The following ZDHHC11B variants were observed in gnomAD, a reference collection of about 807,000 sequenced individuals.
ZDHHC11B encodes zDHHC palmitoyltransferase 11B (putative).
Under a neutral mutation model 42.3 loss-of-function variants are expected in ZDHHC11B, and 17 were observed. The observed-to-expected ratio is 0.40, with a 90% CI of 0.27 to 0.60. The LOEUF is 0.60. Among genes scored for constraint, ZDHHC11B ranks in the 20% least tolerant of loss-of-function variants. The pLI is 0.41. For synonymous variants in ZDHHC11B, 123 were observed against 193.5 expected (o/e 0.64, Z 3.02); for missense variants, 262 against 463.2 (o/e 0.57, Z 3.99).
chr5:776,247 G>A (rs1209575442), intron 1 of ZDHHC11B, among the ~76,000 whole-genome samples: 5 of 151,816 alleles, frequency 3.3e-5, no homozygotes, highest in Non-Finnish European at 5.9e-5. Flanking sequence ...AGGTGGCAAA[G>A]CTCCTGAGGG....
intron 12 of ZDHHC11B, among the ~76,000 whole-genome samples, chr5:725,752 C>T (rs1309272734): frequency 6.6e-6 from 1 of 151,314 alleles, no homozygotes; most frequent in African/African-American, 2.4e-5. Context: ...GCCATTAAGG[C>T]TCCAAAGTTC....
chr5:730,604 A>G, intron 11 of ZDHHC11B, 136 bp from the exon 12 acceptor site: 1 of 995,234 alleles, frequency 1.0e-6, no homozygotes, highest in South Asian at 2.1e-5. Flanking sequence ...GGATCATGGA[A>G]TAGGATCTCA....
At chr5:763,750 T>C (rs1734929402) in intron 4 of ZDHHC11B, among the ~76,000 whole-genome samples, 1 of 151,924 alleles carries the variant, frequency 6.6e-6, no homozygotes, top group Non-Finnish European at 1.5e-5. Context: ...AAGAAATGGC[T>C]ATATAATTTT....
At chr5:715,955 A>C (rs62332074) in intron 13 of ZDHHC11B, among the ~76,000 whole-genome samples, 73,034 of 147,530 alleles carry the variant, frequency 0.5, 14,258 homozygotes, top group African/African-American at 0.55. Context: ...TCTTGTATGG[A>C]TCATGCCTTT....
chr5:730,910 G>A (rs1742973967), intron 11 of ZDHHC11B, among the ~76,000 whole-genome samples: 1 of 151,878 alleles, frequency 6.6e-6, no homozygotes, highest in Admixed American at 6.6e-5. Flanking sequence ...GAGGCCTTGG[G>A]AGAAACCAAC....
Position 737,306 on chromosome 5 carries a change from T to C in ZDHHC11B, c.936-3467A>G, listed in dbSNP as rs1234176073. On this transcript the variant is annotated intron_variant, in intron 10 of 13. Coordinates refer to ENST00000508859, the MANE Select transcript of ZDHHC11B (RefSeq NM_001351303.2). Reference sequence around the variant, plus strand: ...AACAGATTAATAACAAGTAGCGAGATTGAAACAGTAATAAAAAAATTGCCA... The same window carrying C: ...AACAGATTAATAACAAGTAGCGAGACTGAAACAGTAATAAAAAAATTGCCA... Among the ~76,000 whole-genome samples, 11 of 148,466 alleles carry C rather than the reference T, an allele frequency of 7.4e-5. 1 individual carries two copies. The Admixed American group carries it at 7.5e-4, about 10-fold the overall frequency.
At chr5:777,880 G>T (rs985982408) in intron 1 of ZDHHC11B, among the ~76,000 whole-genome samples, 8 of 151,524 alleles carry the variant, frequency 5.3e-5, no homozygotes, top group Admixed American at 3.9e-4. Flanking sequence ...GCGCCCTTCC[G>T]GGAGGCCCCA....
rs186976021 is a variant in ZDHHC11B at position 759,670 on chromosome 5, C to T, written c.223-3526G>A. On this transcript the variant is annotated intron_variant, in intron 4 of 13. Transcript: ENST00000508859. ...GGCATGCTCTGGAAGGGCCCATACA[C>T]GCGGCCGCTGGACGGTTGGCCAAGC... is the stretch of plus-strand genomic sequence containing the variant. 7.1e-4 allele frequency among the ~76,000 whole-genome samples: 106 copies of T among 149,714 alleles called. 2 individuals are homozygous for T. The highest frequency in any genetic ancestry group is 2.3e-3 in the African/African-American group (96 of 41,346).
intron 1 of ZDHHC11B, among the ~76,000 whole-genome samples, chr5:778,401 G>A (rs1389218556): frequency 1.3e-5 from 2 of 150,354 alleles, no homozygotes; most frequent in African/African-American, 2.4e-5. Context: ...CACAGCCGCG[G>A]CTCTCAAGGG....
At chr5:724,134 C>T (rs1269790284) in intron 12 of ZDHHC11B, among the ~76,000 whole-genome samples, 1 of 151,836 alleles carries the variant, frequency 6.6e-6, no homozygotes. Flanking sequence ...TGCCCCACTT[C>T]CAGGCTCCCT....
chr5:732,940 T>C (rs1743138422), intron 11 of ZDHHC11B, among the ~76,000 whole-genome samples: 1 of 151,754 alleles, frequency 6.6e-6, no homozygotes, highest in Admixed American at 6.6e-5. Context: ...ACCTGTACTT[T>C]CGGCTATTCG....
At chr5:750,261 C>G (rs1474960152) in intron 7 of ZDHHC11B, among the ~76,000 whole-genome samples, 4 of 129,656 alleles carry the variant, frequency 3.1e-5, no homozygotes, top group Non-Finnish European at 6.7e-5. Context: ...CCAGCAGACT[C>G]TTGCAGTCTG....
intron 10 of ZDHHC11B, among the ~76,000 whole-genome samples, chr5:739,448 G>A (rs1234162459): frequency 6.6e-6 from 1 of 150,820 alleles, no homozygotes; most frequent in Non-Finnish European, 1.5e-5. Context: ...TCAAAAAGTG[G>A]GCAACATTCA....
chr5:737,553 C>G (rs551864974), intron 10 of ZDHHC11B, among the ~76,000 whole-genome samples: 3 of 149,422 alleles, frequency 2.0e-5, no homozygotes, highest in African/African-American at 7.4e-5. Flanking sequence ...AAATCCTCAA[C>G]AAAATACTAG....
At chr5:726,266 T>C (rs1373801263) in intron 12 of ZDHHC11B, among the ~76,000 whole-genome samples, 2 of 151,606 alleles carry the variant, frequency 1.3e-5, no homozygotes, top group Non-Finnish European at 2.9e-5. Flanking sequence ...CCCTGATCGC[T>C]AGAAACAGAT....
At chr5:770,549 A>G (rs1735930374) in intron 1 of ZDHHC11B, among the ~76,000 whole-genome samples, 1 of 150,884 alleles carries the variant, frequency 6.6e-6, no homozygotes, top group African/African-American at 2.4e-5. Flanking sequence ...GCTCTGGAGG[A>G]CACCTCGGGA....
At chr5:730,390 G>C (rs1742929541) in intron 12 of ZDHHC11B, 44 bp downstream of exon 12, 6 of 1,565,324 alleles carry the variant, frequency 3.8e-6, no homozygotes, top group Non-Finnish European at 5.2e-6. Flanking sequence ...GTTCAGGCAA[G>C]TGTACAGACA....
chr5:767,328 G>A (rs1426618410), intron 3 of ZDHHC11B, 64 bp downstream of exon 3: 6 of 1,536,250 alleles, frequency 3.9e-6, no homozygotes, highest in Non-Finnish European at 4.4e-6. Context: ...GGGGCTCCGG[G>A]TCCCACACCA....
At chr5:750,422 C>G (rs1367679875) in intron 7 of ZDHHC11B, among the ~76,000 whole-genome samples, 2 of 143,538 alleles carry the variant, frequency 1.4e-5, no homozygotes, top group African/African-American at 2.5e-5. Context: ...TCCATCCTCA[C>G]GAGGCCCCCT....
Sources: gnomAD v4.1 joint callset for allele counts (sites outside exome capture counted in the v4.1 genomes callset) on GRCh38, gnomAD v4.1.1 for gene constraint, MANE v1.5 for transcripts, NCBI Gene and HGNC (gene_info 2026-07-23, HGNC 2026-07-21) for gene names.